The following BNC2 variants were observed in gnomAD, a reference collection of about 807,000 sequenced individuals.
BNC2 encodes the protein zinc finger protein basonuclin-2.
Under a neutral mutation model 76.3 loss-of-function variants are expected in BNC2, and 20 were observed. The ratio of observed to expected loss-of-function variants is 0.26; its 90% CI spans 0.18 to 0.38. The LOEUF (loss-of-function observed/expected upper bound fraction) is 0.38, where lower values mean the gene tolerates loss of function less well. BNC2 is among the 10% of genes least tolerant of loss of function. The pLI, the probability that BNC2 is intolerant of heterozygous loss-of-function variation, is 1.00. For missense variants in BNC2, 1,382 were observed against 1,399.8 expected (o/e 0.99, Z 0.20); for synonymous variants, 582 against 514.8 (o/e 1.13, Z -1.77).
At chr9:16,726,691 T>C (rs1057408448) in intron 3 of BNC2, 2 of 152,076 alleles carry the variant, frequency 1.3e-5, no homozygotes, top group African/African-American at 4.8e-5. Context: ...TGGATGATAA[T>C]ATCAAACTAA....
At chr9:16,680,244 C>T (rs968888968) in intron 3 of BNC2, among the ~76,000 whole-genome samples, 2 of 151,942 alleles carry the variant, frequency 1.3e-5, no homozygotes, top group African/African-American at 4.8e-5. Flanking sequence ...TTAGCTTTGT[C>T]GTTTTCTTAA....
rs776064324 is a variant in BNC2 at position 16,575,997 on chromosome 9, G to C, written c.433+6986C>G. 1.8e-4 allele frequency among the ~76,000 whole-genome samples: 27 copies of C among 152,360 alleles called. No individual in the cohort carries two copies. In the South Asian group the frequency reaches 1.9e-3, roughly 11 times the overall value. On this transcript the variant is annotated intron_variant, in intron 4 of 6. Transcript: ENST00000380672. The stretch of plus-strand genomic sequence containing the variant: ...CCAAACGAGTGCACCAAGGGAAGAA[G>C]ACGATAGTGTTTCTATCCTTGTGTT...
At chr9:16,641,400 C>T (rs961717719) in intron 3 of BNC2, among the ~76,000 whole-genome samples, 28 of 152,126 alleles carry the variant, frequency 1.8e-4, no homozygotes, top group African/African-American at 6.5e-4. Flanking sequence ...CTGGGAAACA[C>T]AAAAATCTAC....
chr9:16,798,718 T>C (rs1817715147), intron 1 of BNC2, among the ~76,000 whole-genome samples: 2 of 152,062 alleles, frequency 1.3e-5, no homozygotes, highest in Admixed American at 6.6e-5. Context: ...ATAGAGGAAA[T>C]ACTGAAATTA....
chr9:16,773,804 A>G (rs991150228), intron 1 of BNC2, among the ~76,000 whole-genome samples: 1 of 152,168 alleles, frequency 6.6e-6, no homozygotes, highest in Non-Finnish European at 1.5e-5. Flanking sequence ...TGACCTCTAC[A>G]AAAGCCTTTT....
Position 16,436,487 on chromosome 9 carries a change from A to G in BNC2, c.1707T>C (p.Val569=), listed in dbSNP as rs1277102218. The G allele has an allele frequency of 6.2e-7, 1 of 1,614,110 alleles. No homozygotes were observed. Among genetic ancestry groups the G allele is most frequent in the African/African-American group, 1.3e-5 (1 of 75,012 alleles). Residue 569 remains valine, a synonymous_variant, in exon 6 of 7, where the codon GTT becomes GTC. Coordinates refer to ENST00000380672, the MANE Select transcript of BNC2 (RefSeq NM_017637.6). ...VFSGLKTVQP[V]PPFYRSLLTP... Reference sequence around the variant, plus strand: ...TGAGTAAACTTCTATAAAATGGAGGAACTGGTTGTACAGTCTTTAGCCCAG... The same window carrying G: ...TGAGTAAACTTCTATAAAATGGAGGGACTGGTTGTACAGTCTTTAGCCCAG...
chr9:16,670,254 A>C (rs1822435606), intron 3 of BNC2, among the ~76,000 whole-genome samples: 1 of 152,174 alleles, frequency 6.6e-6, no homozygotes. Flanking sequence ...GAAAGAGCCA[A>C]ATTACCCTGT....
intron 5 of BNC2, among the ~76,000 whole-genome samples, chr9:16,505,725 T>A (rs1822609978): frequency 6.6e-6 from 1 of 152,110 alleles, no homozygotes. Context: ...CATATATAGT[T>A]CCCTCTCCTA....
intron 3 of BNC2, among the ~76,000 whole-genome samples, chr9:16,615,772 C>T (rs528644482): frequency 6.6e-6 from 1 of 152,274 alleles, no homozygotes; most frequent in East Asian, 1.9e-4. Context: ...CAGCCAAGAA[C>T]TTAGACGAGT....
At chr9:16,801,227 T>C (rs986662557) in intron 1 of BNC2, among the ~76,000 whole-genome samples, 1 of 152,068 alleles carries the variant, frequency 6.6e-6, no homozygotes, top group African/African-American at 2.4e-5. Flanking sequence ...GATAGTACTA[T>C]TGATAATACA....
At chr9:16,524,019 A>C (rs1006662909) in intron 5 of BNC2, among the ~76,000 whole-genome samples, 1 of 152,226 alleles carries the variant, frequency 6.6e-6, no homozygotes, top group Admixed American at 6.5e-5. Context: ...ACCCAAAAAA[A>C]CAAAACACCA....
At chr9:16,604,459 T>C (rs1181468606) in intron 3 of BNC2, among the ~76,000 whole-genome samples, 1 of 152,162 alleles carries the variant, frequency 6.6e-6, no homozygotes, top group African/African-American at 2.4e-5. Flanking sequence ...GCTACAAAAC[T>C]ATGCTAAACC....
chr9:16,866,643 T>C (rs1179664082), intron 1 of BNC2, among the ~76,000 whole-genome samples: 1 of 147,096 alleles, frequency 6.8e-6, no homozygotes, highest in African/African-American at 2.5e-5. Context: ...TGTAGAAAGT[T>C]CTTTTGCTTC....
chr9:16,527,299 G>A (rs1587134520), intron 5 of BNC2, among the ~76,000 whole-genome samples: 2 of 152,168 alleles, frequency 1.3e-5, no homozygotes, highest in African/African-American at 4.8e-5. Flanking sequence ...TGATAATTAG[G>A]TGCAAAGAGA....
At position 16,657,228 on chromosome 9, in the gene BNC2, A is replaced by G. The variant is rs574573835; in HGVS notation, c.330+70569T>C. 3.9e-5 allele frequency among the ~76,000 whole-genome samples: 6 copies of G among 152,308 alleles called. No individual in the cohort carries two copies. The South Asian group carries it at 1.0e-3, about 26-fold the overall frequency. On this transcript the variant is annotated intron_variant, in intron 3 of 6. Transcript: ENST00000380672. ...TGTGCAGGTGAAAACCCAGTATAGA[A>G]TACCTGGAAAAGATTTATGTTTAAA...
intron 5 of BNC2, among the ~76,000 whole-genome samples, chr9:16,482,242 G>C (rs972723606): frequency 6.6e-6 from 1 of 152,150 alleles, no homozygotes; most frequent in Admixed American, 6.5e-5. Flanking sequence ...TCTTCCAGCA[G>C]ATTGCATCAT....
rs543567537 is a variant in BNC2 at position 16,436,145 on chromosome 9, G to A, written c.2049C>T (p.Ser683=). The change falls in exon 6 of 7, where the codon AGC becomes AGT. Residue 683 remains serine (S), a synonymous_variant. Coordinates refer to ENST00000380672, the MANE Select transcript of BNC2 (RefSeq NM_017637.6). ...DNHCHSQEEM[S]PGMSVKDFSK... Reference sequence around the variant, plus strand: ...AAAAGTCCTTCACAGACATGCCTGGGCTCATCTCCTCTTGGGAGTGACAAT... The same window carrying A: ...AAAAGTCCTTCACAGACATGCCTGGACTCATCTCCTCTTGGGAGTGACAAT... 6.2e-7 allele frequency: 1 copy of A among 1,614,126 alleles called. No individual in the cohort carries two copies. Among genetic ancestry groups the A allele is most frequent in the South Asian group, 1.1e-5 (1 of 91,076 alleles).
At chr9:16,664,098 C>T (rs778514529) in intron 3 of BNC2, among the ~76,000 whole-genome samples, 36 of 152,244 alleles carry the variant, frequency 2.4e-4, no homozygotes, top group Non-Finnish European at 4.1e-4. Flanking sequence ...GGCCTTTATT[C>T]CTCCTGTTTC....
intron 4 of BNC2, among the ~76,000 whole-genome samples, chr9:16,553,776 T>G (rs747599057): frequency 1.4e-4 from 22 of 152,326 alleles, no homozygotes; most frequent in Admixed American, 2.6e-4. Context: ...CATCCATATC[T>G]GAGTTACTGC....
Sources: gnomAD v4.1 joint callset for allele counts (sites outside exome capture counted in the v4.1 genomes callset) on GRCh38, gnomAD v4.1.1 for gene constraint, MANE v1.5 for transcripts, NCBI Gene and HGNC (gene_info 2026-07-23, HGNC 2026-07-21) for gene names.